Variants in RANBP2 observed in about 807,000 individuals in gnomAD.
RANBP2 encodes E3 SUMO-protein ligase RanBP2.
A neutral mutation model predicts 303.6 loss-of-function variants in RANBP2; 57 were observed. The observed-to-expected ratio is 0.19, with a 90% CI of 0.15 to 0.23. RANBP2 has a LOEUF of 0.23. RANBP2 is among the 10% of genes least tolerant of loss of function. The probability of loss-of-function intolerance (pLI) is 1.00; values close to 1 mark genes in which losing one functional copy is unlikely to be tolerated. For synonymous variants in RANBP2, 1,167 were observed against 1,301.5 expected, an observed-to-expected ratio of 0.90 and a Z score of 2.23; for missense variants, 3,138 against 3,780.8, an observed-to-expected ratio of 0.83 and a Z score of 4.46.
chr2:109,546,237 G>T, the RANBP2 span: 1 of 1,538,416 alleles, frequency 6.5e-7, no homozygotes, highest in East Asian at 2.3e-5. Context: ...TTGGCCTGTA[G>T]CTGGAAACAA....
the RANBP2 span, among the ~76,000 whole-genome samples, chr2:109,277,120 T>A: frequency 6.6e-6 from 1 of 152,140 alleles, no homozygotes; most frequent in Non-Finnish European, 1.5e-5. Flanking sequence ...CCCTCAGGAC[T>A]GTAGGAGGGG....
the RANBP2 span, among the ~76,000 whole-genome samples, chr2:108,870,016 A>G: frequency 3.3e-5 from 5 of 152,234 alleles, no homozygotes; most frequent in African/African-American, 9.6e-5. Flanking sequence ...TATCTTAAAT[A>G]TGCTCAATGA....
At chr2:108,789,951 A>G (rs187479747), downstream of RANBP2, among the ~76,000 whole-genome samples, 532 of 152,372 alleles carry the variant, frequency 3.5e-3, 3 homozygotes, top group African/African-American at 0.01. Context: ...AGATGTATCC[A>G]TATATAACAT....
chr2:109,672,463 C>T, the RANBP2 span, among the ~76,000 whole-genome samples: 2 of 152,074 alleles, frequency 1.3e-5, no homozygotes, highest in Non-Finnish European at 1.5e-5. Flanking sequence ...GAAAAGGAAG[C>T]GGAGGATTAT....
the RANBP2 span, chr2:109,564,454 T>A: frequency 6.3e-7 from 1 of 1,598,706 alleles, no homozygotes; most frequent in Non-Finnish European, 8.5e-7. Context: ...CTGGTATGGG[T>A]CTGCTCTCGC....
the RANBP2 span, among the ~76,000 whole-genome samples, chr2:108,794,166 C>T: frequency 6.6e-6 from 1 of 152,132 alleles, no homozygotes; most frequent in Admixed American, 6.6e-5. Context: ...CAAAGCAAAG[C>T]AGCATGTAAC....
chr2:108,953,155 G>C, the RANBP2 span, among the ~76,000 whole-genome samples: 1 of 152,166 alleles, frequency 6.6e-6, no homozygotes, highest in Non-Finnish European at 1.5e-5. Flanking sequence ...TGTGCTCTTG[G>C]AGTCTCTATT....
At chr2:108,786,275 T>A (rs1678688059), downstream of RANBP2, among the ~76,000 whole-genome samples, 1 of 150,854 alleles carries the variant, frequency 6.6e-6, no homozygotes, top group Non-Finnish European at 1.5e-5. Context: ...TTTTTAACTT[T>A]AAGAGATGGG....
At chr2:109,581,984 C>T in the RANBP2 span, among the ~76,000 whole-genome samples, 2 of 151,904 alleles carry the variant, frequency 1.3e-5, no homozygotes, top group African/African-American at 4.8e-5. Flanking sequence ...TTTCAAGATG[C>T]AAAACCAATG....
the RANBP2 span, among the ~76,000 whole-genome samples, chr2:109,368,825 G>T: frequency 6.6e-6 from 1 of 151,026 alleles, no homozygotes; most frequent in Non-Finnish European, 1.5e-5. Flanking sequence ...GTGATATTTT[G>T]CTGTTGTGAC....
chr2:109,701,846 G>A, the RANBP2 span, among the ~76,000 whole-genome samples: 3 of 152,100 alleles, frequency 2.0e-5, no homozygotes, highest in East Asian at 1.9e-4. Flanking sequence ...ACCTTTACTT[G>A]AGTAAAAGTT....
At chr2:109,217,705 G>A in the RANBP2 span, among the ~76,000 whole-genome samples, 1 of 152,212 alleles carries the variant, frequency 6.6e-6, no homozygotes, top group Admixed American at 6.5e-5. Context: ...AGACCTTTTT[G>A]GGGGAGGGTG....
chr2:108,880,261 C>A, the RANBP2 span, among the ~76,000 whole-genome samples: 2 of 150,292 alleles, frequency 1.3e-5, no homozygotes, highest in East Asian at 1.9e-4. Flanking sequence ...ATTGCTAATA[C>A]CAAAAATGAT....
the RANBP2 span, among the ~76,000 whole-genome samples, chr2:108,961,234 G>A: frequency 6.6e-6 from 1 of 151,956 alleles, no homozygotes; most frequent in East Asian, 1.9e-4. Flanking sequence ...AAAGGGTAAA[G>A]AACCAGATTC....
chr2:109,474,781 G>A, the RANBP2 span, among the ~76,000 whole-genome samples: 2 of 152,196 alleles, frequency 1.3e-5, no homozygotes, highest in African/African-American at 2.4e-5. Context: ...GCACACCCTG[G>A]GACAGGAAGC....
At chr2:108,746,972 TA>T (rs1300681381) in intron 8 of RANBP2, among the ~76,000 whole-genome samples, 174 bp downstream of exon 8, 3 of 152,200 alleles carry the variant, frequency 2.0e-5, no homozygotes, top group Non-Finnish European at 2.9e-5. Context: ...GCACATTCTT[TA>T]AAAAAATGAA....
the RANBP2 span, among the ~76,000 whole-genome samples, chr2:108,936,246 G>C: frequency 6.6e-6 from 1 of 152,214 alleles, no homozygotes; most frequent in Non-Finnish European, 1.5e-5. Flanking sequence ...CTGATGGTTC[G>C]GAGTTACCTT....
the RANBP2 span, among the ~76,000 whole-genome samples, chr2:108,849,567 T>G: frequency 6.6e-6 from 1 of 152,172 alleles, no homozygotes; most frequent in South Asian, 2.1e-4. Context: ...CACTCTCTAG[T>G]CTCCCTTCAC....
At chr2:109,446,821 C>T in the RANBP2 span, among the ~76,000 whole-genome samples, 2 of 152,062 alleles carry the variant, frequency 1.3e-5, no homozygotes. Flanking sequence ...GAGGGGAAGC[C>T]GGCCAGGAGG....
Sources: gnomAD v4.1 joint callset for allele counts (sites outside exome capture counted in the v4.1 genomes callset) on GRCh38, gnomAD v4.1.1 for gene constraint, MANE v1.5 for transcripts, NCBI Gene and HGNC (gene_info 2026-07-23, HGNC 2026-07-21) for gene names.